LSP1: variants seen among roughly 807,000 people sequenced by gnomAD.
The protein encoded by LSP1 is lymphocyte specific protein 1, also known as lymphocyte-specific protein 1.
In LSP1, 32 loss-of-function variants were observed where a neutral mutation model predicts 49.3. That is an observed-to-expected ratio of 0.65 (90% CI 0.49 to 0.87). LSP1 has a LOEUF of 0.87. Among genes scored for constraint, LSP1 ranks in the 40% least tolerant of loss-of-function variants. LSP1 has a pLI of 0.00. For synonymous variants in LSP1, 179 were observed against 178.8 expected (o/e 1.00, Z -0.01); for missense variants, 428 against 442.6 (o/e 0.97, Z 0.30).
intron 3 of LSP1, among the ~76,000 whole-genome samples, chr11:1,882,007 C>T (rs926462414): frequency 1.3e-5 from 2 of 152,188 alleles, no homozygotes; most frequent in Non-Finnish European, 2.9e-5. Context: ...GAGAGCCCGC[C>T]GCCGCCCCTT....
At chr11:1,876,722 TG>T in intron 1 of LSP1, 5 of 740,550 alleles carry the variant, frequency 6.8e-6, no homozygotes, top group Non-Finnish European at 6.5e-6. Flanking sequence ...GAAGTGGGGG[TG>T]GGGGTTTGTG....
At chr11:1,867,774 A>G (rs1163603781) in intron 1 of LSP1, among the ~76,000 whole-genome samples, 1 of 152,160 alleles carries the variant, frequency 6.6e-6, no homozygotes, top group Non-Finnish European at 1.5e-5. Context: ...GTTTACATCC[A>G]TTAAAAATGG....
At chr11:1,861,261 A>G (rs563656922) in intron 1 of LSP1, among the ~76,000 whole-genome samples, 11 of 152,352 alleles carry the variant, frequency 7.2e-5, no homozygotes, top group South Asian at 6.2e-4. Flanking sequence ...CCAGAACTCC[A>G]TATGCCTTTA....
intron 1 of LSP1, among the ~76,000 whole-genome samples, chr11:1,879,499 G>A (rs1451547294): frequency 6.6e-6 from 1 of 152,236 alleles, no homozygotes; most frequent in Non-Finnish European, 1.5e-5. Context: ...TTCTGTGAGC[G>A]GGGCTGGTGG....
intron 10 of LSP1, chr11:1,889,242 T>A (rs1848881737): frequency 1.5e-6 from 1 of 674,078 alleles, no homozygotes; most frequent in Admixed American, 2.2e-5. Flanking sequence ...CCGGGTGGCC[T>A]CCTGCAGCTT....
At chr11:1,861,485 T>C (rs2133061163) in intron 1 of LSP1, among the ~76,000 whole-genome samples, 1 of 152,322 alleles carries the variant, frequency 6.6e-6, no homozygotes, top group East Asian at 1.9e-4. Context: ...GATGAATGAA[T>C]GGATGGATGG....
intron 1 of LSP1, chr11:1,869,760 G>A (rs592373): frequency 0.6 from 280,470 of 468,760 alleles, 87,552 homozygotes; most frequent in East Asian, 0.78. Flanking sequence ...CAAGGAGAGG[G>A]CGGGCGAGGA....
At chr11:1,866,825 C>T (rs1343981106) in intron 1 of LSP1, 15 of 1,549,722 alleles carry the variant, frequency 9.7e-6, no homozygotes, top group South Asian at 5.9e-5. Context: ...GAGCCCCTGC[C>T]TGGCTGTGCG....
intron 1 of LSP1, among the ~76,000 whole-genome samples, chr11:1,863,822 G>A (rs1490660629): frequency 1.3e-5 from 2 of 152,168 alleles, no homozygotes; most frequent in Non-Finnish European, 2.9e-5. Context: ...CCACCTCTTG[G>A]GACCATGCTG....
chr11:1,881,267 C>G (rs1848525910), intron 2 of LSP1, 165 bp from the exon 3 acceptor site: 2 of 639,580 alleles, frequency 3.1e-6, no homozygotes. Flanking sequence ...GCCCTGCCCT[C>G]AGGTATTCTG....
chr11:1,871,063 C>T (rs1367524271), intron 1 of LSP1: 4 of 985,436 alleles, frequency 4.1e-6, no homozygotes, highest in South Asian at 4.7e-5. Context: ...AGAGCTGCGG[C>T]GGAGGACGCT....
chr11:1,855,265 A>G lies in LSP1; in HGVS notation c.53+2068A>G, dbSNP rs529781675. Among the ~76,000 whole-genome samples, 7 of 152,280 alleles carry G rather than the reference A, an allele frequency of 4.6e-5. No individual in the cohort carries two copies. In the East Asian group the frequency reaches 1.4e-3, roughly 29 times the overall value. Reference sequence around the variant, plus strand: ...GGACAGAAGTCCCCTGCACCCAGGCAGGGATGTATGGCCTGGGAAGCCCCC... The same window carrying G: ...GGACAGAAGTCCCCTGCACCCAGGCGGGGATGTATGGCCTGGGAAGCCCCC... On this transcript the variant is annotated intron_variant, in intron 1 of 10. Coordinates refer to ENST00000311604, the MANE Select transcript of LSP1 (RefSeq NM_002339.3).
chr11:1,861,886 AATAG>A (rs1274569497), intron 1 of LSP1, among the ~76,000 whole-genome samples: 1 of 69,866 alleles, frequency 1.4e-5, no homozygotes, highest in African/African-American at 5.7e-5. Context: ...TAGATGGATG[AATAG>A]ATGGATGGGT....
At chr11:1,857,581 G>C (rs1369519524) in intron 1 of LSP1, among the ~76,000 whole-genome samples, 1 of 152,208 alleles carries the variant, frequency 6.6e-6, no homozygotes, top group Admixed American at 6.5e-5. Flanking sequence ...TGGGGCGGCG[G>C]GAGGGGGATG....
rs1848670218 is a variant in LSP1 at position 1,884,376 on chromosome 11, G to A, written c.635+53G>A. On this transcript the variant is annotated intron_variant, in intron 6 of 10. Coordinates refer to ENST00000311604, the MANE Select transcript of LSP1 (RefSeq NM_002339.3). The surrounding 1 kb of genome is among the most constrained non-coding windows in gnomAD (Gnocchi z 4.1). ...GGGCTCAGATCTTAGGTTTAACCAA[G>A]TGGGGGTTGAAGGGAGTCACAAGGT... 8 of 1,613,132 alleles carry A rather than the reference G, an allele frequency of 5.0e-6. No homozygotes were observed. The highest frequency in any genetic ancestry group is 6.8e-6 in the Non-Finnish European group (8 of 1,179,214).
intron 10 of LSP1, chr11:1,890,095 G>A (rs1327273158): frequency 4.2e-6 from 3 of 716,524 alleles, no homozygotes; most frequent in South Asian, 1.5e-5. Flanking sequence ...AAGCCACTGG[G>A]GGGCCGGGTA....
At chr11:1,882,656 T>C (rs1848593046) in intron 3 of LSP1, among the ~76,000 whole-genome samples, 1 of 152,046 alleles carries the variant, frequency 6.6e-6, no homozygotes, top group Non-Finnish European at 1.5e-5. Flanking sequence ...AGCCCAGCTC[T>C]GCGGCCGCCA....
rs1390157353 is a variant in LSP1 at position 1,861,863 on chromosome 11, A to ATGGG, written c.53+8670_53+8673dup. 2.1e-3 allele frequency among the ~76,000 whole-genome samples: 319 copies of ATGGG among 149,896 alleles called. 1 individual carries two copies. Among genetic ancestry groups the ATGGG allele is most frequent in the African/African-American group, 7.6e-3 (308 of 40,508 alleles). On this transcript the variant is annotated intron_variant, in intron 1 of 10. Coordinates refer to ENST00000311604, the MANE Select transcript of LSP1 (RefSeq NM_002339.3). ...GATGGATTGATGAGTGGATGGATGG[A>ATGGG]TGGGTGGATGGATAGATGGATGAAT...
rs1238509976 is a variant in LSP1, at chr11:1,884,770, A to G, written c.717+189A>G. ...CCCTCCATCTAATCAATGTCACTCCATGTAATCAATGCCCCCCCTTTCAAT... is the reference window on the plus strand; with the variant it reads ...CCCTCCATCTAATCAATGTCACTCCGTGTAATCAATGCCCCCCCTTTCAAT... On this transcript the variant is annotated intron_variant, in intron 7 of 10. Coordinates refer to ENST00000311604, the MANE Select transcript of LSP1 (RefSeq NM_002339.3). The surrounding 1 kb of genome is among the most constrained non-coding windows in gnomAD (Gnocchi z 4.1). Among the ~76,000 whole-genome samples, 1 of 151,098 alleles carries G rather than the reference A, an allele frequency of 6.6e-6. No individual in the cohort carries two copies. The highest frequency in any genetic ancestry group is 6.6e-5 in the Admixed American group (1 of 15,162).
Sources: allele counts gnomAD v4.1 joint callset (sites outside exome capture counted in the v4.1 genomes callset), GRCh38; gene constraint gnomAD v4.1.1; non-coding constraint Gnocchi (gnomAD v3.1); transcripts MANE v1.5; gene names NCBI Gene and HGNC (gene_info 2026-07-23, HGNC 2026-07-21).